The following GOLGB1 variants were observed in gnomAD, a reference collection of about 807,000 sequenced individuals.
GOLGB1 encodes golgin subfamily B member 1.
Under a neutral mutation model 336.9 loss-of-function variants are expected in GOLGB1, and 174 were observed. The ratio of observed to expected loss-of-function variants is 0.52; its 90% confidence interval spans 0.46 to 0.59. The LOEUF (loss-of-function observed/expected upper bound fraction) is 0.59, where lower values mean the gene tolerates loss of function less well. Among genes scored for constraint, GOLGB1 ranks in the 20% least tolerant of loss-of-function variants. The probability of loss-of-function intolerance (pLI) is 0.00; values close to 1 mark genes in which losing one functional copy is unlikely to be tolerated. For synonymous variants in GOLGB1, 1,208 were observed against 1,289.2 expected (o/e 0.94, Z 1.35); for missense variants, 3,331 against 3,645.3 (o/e 0.91, Z 2.22).
chr3:121,676,821 G>T, intron 17 of GOLGB1, 72 bp downstream of exon 17: 1 of 1,305,136 alleles, frequency 7.7e-7, no homozygotes, highest in Non-Finnish European at 1.1e-6. Context: ...ATGCTGAATT[G>T]GCTTCTACTT....
intron 1 of GOLGB1, among the ~76,000 whole-genome samples, chr3:121,735,113 T>C (rs1946390363): frequency 6.6e-6 from 1 of 152,148 alleles, no homozygotes; most frequent in South Asian, 2.1e-4. Flanking sequence ...ACAAATATAG[T>C]TGTCAGGGCT....
intron 1 of GOLGB1, among the ~76,000 whole-genome samples, chr3:121,736,790 G>C (rs1367979953): frequency 6.6e-6 from 1 of 152,120 alleles, no homozygotes; most frequent in Non-Finnish European, 1.5e-5. Context: ...TGTAGTCCCA[G>C]CTATTGGGTA....
chr3:121,699,895 A>G lies in GOLGB1; in HGVS notation c.1520-10T>C, dbSNP rs752728524. ...TGAGAAGACAGTTTTTCTGAAAGTC[A>G]CAAAATAAATATCTTTAGAAGATAT... On this transcript the variant is annotated splice_polypyrimidine_tract_variant and intron_variant, in intron 11 of 21. Transcript: ENST00000614479. 1.2e-5 allele frequency: 19 copies of G among 1,536,686 alleles called. No individual in the cohort carries two copies. The highest frequency in any genetic ancestry group is 1.7e-5 in the Non-Finnish European group (19 of 1,113,886).
intron 15 of GOLGB1, among the ~76,000 whole-genome samples, chr3:121,679,269 T>G (rs1024566096): frequency 6.6e-6 from 1 of 152,006 alleles, no homozygotes; most frequent in African/African-American, 2.4e-5. Flanking sequence ...AAATCCGCAA[T>G]CCAAAACACT....
At chr3:121,718,174 G>A (rs1944917150) in intron 8 of GOLGB1, among the ~76,000 whole-genome samples, 1 of 152,018 alleles carries the variant, frequency 6.6e-6, no homozygotes, top group African/African-American at 2.4e-5. Flanking sequence ...ATAAAGAAGT[G>A]CAATGTATGC....
intron 5 of GOLGB1, among the ~76,000 whole-genome samples, chr3:121,724,780 A>C (rs1041208137): frequency 6.6e-5 from 10 of 152,206 alleles, no homozygotes; most frequent in African/African-American, 2.4e-4. Context: ...AACAGCCCCC[A>C]TCACAGGCCC....
chr3:121,675,083 G>A lies in GOLGB1; in HGVS notation c.9177+1810C>T, dbSNP rs552659033. On this transcript the variant is annotated intron_variant, in intron 17 of 21. Transcript: ENST00000614479. ...GATCTCCTGACCTCATGATCCACCC[G>A]CCTCGGCCTCCCAAAGTGCTGGGAT... Among the ~76,000 whole-genome samples the A allele has an allele frequency of 2.2e-3, 341 of 151,618 alleles. 3 individuals carry two copies. The highest frequency in any genetic ancestry group is 8.0e-3 in the African/African-American group (329 of 41,368).
chr3:121,672,516 T>C (rs888399772), intron 17 of GOLGB1, among the ~76,000 whole-genome samples: 1 of 152,232 alleles, frequency 6.6e-6, no homozygotes, highest in African/African-American at 2.4e-5. Context: ...GTCCCTTATA[T>C]ATTCTGGTTA....
chr3:121,748,943 A>T (rs1287773842), intron 1 of GOLGB1: 2 of 984,672 alleles, frequency 2.0e-6, no homozygotes, highest in Non-Finnish European at 2.4e-6. Flanking sequence ...ACTCCACACC[A>T]TCAAACCAAG....
chr3:121,667,477 G>A lies in GOLGB1; in HGVS notation c.9553C>T (p.Arg3185Trp), dbSNP rs530077580. Reference protein sequence around the residue: ...ALSVAEEQIRRLEHSEWDSSR... With the variant: ...ALSVAEEQIRWLEHSEWDSSR... ...GAGGCTATCTCCTTCAGCCTTTACC[G>A]TCTGATCTGCTCCTCGGCCACAGAG... The change falls in exon 20 of 22, where the codon CGG becomes TGG. Residue 3185 changes from arginine (R) to tryptophan (W), a missense_variant and splice_region_variant. Coordinates refer to ENST00000614479, the MANE Select transcript of GOLGB1 (RefSeq NM_001366282.2). 31 of 1,613,632 alleles carry A rather than the reference G, an allele frequency of 1.9e-5. No individual in the cohort carries two copies. The highest frequency in any genetic ancestry group is 5.5e-5 in the South Asian group (5 of 91,052).
At position 121,695,349 on chromosome 3, in the gene GOLGB1, G is replaced by C; in HGVS notation, c.5174C>G (p.Ser1725Cys). Residue 1725 changes from serine to cysteine, a missense_variant, in exon 13 of 22, where the codon TCC becomes TGC. Ser to Cys is a moderately radical substitution (Grantham distance 112). Transcript: ENST00000614479. Reference protein sequence around the residue: ...AKECMETLLSSNASMKEELER... With the variant: ...AKECMETLLSCNASMKEELER... The stretch of plus-strand genomic sequence containing the variant: ...AAGTTCTTCCTTCATGCTGGCATTG[G>C]AAGAAAGAAGTGTTTCCATACACTC... 1.2e-6 allele frequency: 2 copies of C among 1,613,940 alleles called. No homozygotes were observed. The highest frequency in any genetic ancestry group is 3.3e-4 in the Middle Eastern group (2 of 6,062).
intron 1 of GOLGB1, among the ~76,000 whole-genome samples, chr3:121,734,962 A>G (rs1157437328): frequency 6.6e-6 from 1 of 152,252 alleles, no homozygotes; most frequent in East Asian, 1.9e-4. Context: ...TACTCAGCAA[A>G]AGAATGAACA....
intron 4 of GOLGB1, among the ~76,000 whole-genome samples, chr3:121,727,283 C>T (rs550047494): frequency 2.9e-5 from 2 of 69,334 alleles, no homozygotes; most frequent in Non-Finnish European, 5.5e-5. Flanking sequence ...GAAATACATA[C>T]ACACACACAC....
At chr3:121,668,793 A>C (rs1194570905) in intron 18 of GOLGB1, among the ~76,000 whole-genome samples, 1 of 150,266 alleles carries the variant, frequency 6.7e-6, no homozygotes, top group Admixed American at 6.7e-5. Context: ...CCTCCTCCGT[A>C]TCCTATACGT....
chr3:121,673,686 G>GCTATCTATCCATCTAT (rs755658970), intron 17 of GOLGB1, among the ~76,000 whole-genome samples: 105 of 145,564 alleles, frequency 7.2e-4, no homozygotes, highest in South Asian at 1.3e-3. Flanking sequence ...AAATGGGATT[G>GCTATCTATCCATCTAT]CTATCTATCT....
At chr3:121,671,291 T>G (rs1939497240) in intron 17 of GOLGB1, among the ~76,000 whole-genome samples, 1 of 152,208 alleles carries the variant, frequency 6.6e-6, no homozygotes, top group Admixed American at 6.5e-5. Context: ...CTCATGTTTT[T>G]AAGTTTCTAG....
rs771789849 is a variant in GOLGB1 at position 121,696,762 on chromosome 3, G to C, written c.3761C>G (p.Pro1254Arg). ...ACACGATTCCTGCTGGTCTGTGCTT[G>C]GGAGTTTTCCGTCTATGGATTCCCT... is the stretch of plus-strand genomic sequence containing the variant. ...QVRESIDGKL[P>R]STDQQESCSS... Residue 1254 changes from proline to arginine, a missense_variant, in exon 13 of 22, where the codon CCA (proline) becomes CGA (arginine). Coordinates refer to ENST00000614479, the MANE Select transcript of GOLGB1 (RefSeq NM_001366282.2). 1 of 1,614,056 alleles carries C rather than the reference G, an allele frequency of 6.2e-7. No individual in the cohort carries two copies. Among genetic ancestry groups the C allele is most frequent in the Admixed American group, 1.7e-5 (1 of 60,018 alleles).
intron 17 of GOLGB1, among the ~76,000 whole-genome samples, chr3:121,670,515 TG>T (rs1417112505): frequency 6.6e-6 from 1 of 152,140 alleles, no homozygotes; most frequent in Admixed American, 6.5e-5. Context: ...GATGTAGGGT[TG>T]TTTTTTGTGT....
chr3:121,671,076 G>A (rs192126742), intron 17 of GOLGB1, among the ~76,000 whole-genome samples: 2 of 152,258 alleles, frequency 1.3e-5, no homozygotes, highest in Admixed American at 1.3e-4. Context: ...ATTGTCTATG[G>A]CTGCGTTTGT....
Sources: gnomAD v4.1 joint callset for allele counts (sites outside exome capture counted in the v4.1 genomes callset) on GRCh38, gnomAD v4.1.1 for gene constraint, MANE v1.5 for transcripts, NCBI Gene and HGNC (gene_info 2026-07-23, HGNC 2026-07-21) for gene names.